GALNTL6: variants seen among roughly 807,000 people sequenced by gnomAD.
The protein encoded by GALNTL6 is polypeptide N-acetylgalactosaminyltransferase-like 6.
Under a neutral mutation model 73.7 loss-of-function variants are expected in GALNTL6, and 46 were observed. The observed-to-expected ratio is 0.62, with a 90% CI of 0.49 to 0.80. The LOEUF (loss-of-function observed/expected upper bound fraction) is 0.80. Ranked by LOEUF, GALNTL6 falls within the 30% of genes least tolerant of loss-of-function variation. The pLI is 0.00. For missense variants in GALNTL6, 604 were observed against 755.0 expected (o/e 0.80, Z 2.34); for synonymous variants, 259 against 263.7 (o/e 0.98, Z 0.17).
At chr4:171,916,516 G>A (rs1296404461) in intron 2 of GALNTL6, among the ~76,000 whole-genome samples, 4 of 152,034 alleles carry the variant, frequency 2.6e-5, no homozygotes, top group South Asian at 2.1e-4. Context: ...ATGTAGGTGC[G>A]TTCAGACATA....
intron 7 of GALNTL6, among the ~76,000 whole-genome samples, chr4:172,817,271 T>G (rs1368816055): frequency 1.3e-5 from 2 of 150,986 alleles, no homozygotes; most frequent in East Asian, 3.9e-4. Context: ...ACGAAAAAAA[T>G]ATATACATAT....
chr4:172,805,044 G>T (rs535879312), intron 5 of GALNTL6, among the ~76,000 whole-genome samples: 1 of 152,136 alleles, frequency 6.6e-6, no homozygotes, highest in African/African-American at 2.4e-5. Flanking sequence ...AAAATATCAC[G>T]AGGGAAATTA....
intron 2 of GALNTL6, among the ~76,000 whole-genome samples, chr4:171,912,492 G>A (rs1737504217): frequency 6.6e-6 from 1 of 152,140 alleles, no homozygotes; most frequent in African/African-American, 2.4e-5. Flanking sequence ...AATATGTGAT[G>A]ATAAAATCAG....
At chr4:173,022,903 G>C (rs1271881218) in intron 12 of GALNTL6, among the ~76,000 whole-genome samples, 1 of 152,034 alleles carries the variant, frequency 6.6e-6, no homozygotes, top group Non-Finnish European at 1.5e-5. Context: ...CAAATTCTTT[G>C]CTTTTGGGGA....
chr4:173,011,472 T>C (rs1032751701), intron 11 of GALNTL6, among the ~76,000 whole-genome samples: 1 of 152,178 alleles, frequency 6.6e-6, no homozygotes, highest in Non-Finnish European at 1.5e-5. Flanking sequence ...TTTCTTGTAG[T>C]AGTTGTATAG....
intron 5 of GALNTL6, among the ~76,000 whole-genome samples, chr4:172,561,988 G>A (rs1467765019): frequency 6.6e-6 from 1 of 152,152 alleles, no homozygotes; most frequent in Non-Finnish European, 1.5e-5. Flanking sequence ...TTCAGATCTG[G>A]ATTTTGCTAC....
chr4:172,861,137 C>T (rs1307677388), intron 7 of GALNTL6, among the ~76,000 whole-genome samples: 1 of 152,114 alleles, frequency 6.6e-6, no homozygotes, highest in East Asian at 1.9e-4. Flanking sequence ...GACATACAAA[C>T]TAATATTTAG....
chr4:172,603,595 A>C (rs1738146883), intron 5 of GALNTL6, among the ~76,000 whole-genome samples: 1 of 152,242 alleles, frequency 6.6e-6, no homozygotes, highest in South Asian at 2.1e-4. Context: ...AAAAAATCTT[A>C]ATGAAACCAT....
At chr4:172,479,859 A>G (rs1230678862) in intron 5 of GALNTL6, among the ~76,000 whole-genome samples, 2 of 152,238 alleles carry the variant, frequency 1.3e-5, no homozygotes, top group South Asian at 2.1e-4. Context: ...TCTTATAGCT[A>G]TCAAGCTCCA....
chr4:172,620,401 C>G (rs1256100323), intron 5 of GALNTL6, among the ~76,000 whole-genome samples: 8 of 152,094 alleles, frequency 5.3e-5, no homozygotes, highest in Admixed American at 5.2e-4. Flanking sequence ...ATGTATAGCA[C>G]TCATAGAAAA....
intron 5 of GALNTL6, among the ~76,000 whole-genome samples, chr4:172,368,182 T>C (rs1192321324): frequency 6.6e-6 from 1 of 152,074 alleles, no homozygotes; most frequent in Non-Finnish European, 1.5e-5. Flanking sequence ...AGTTCAAAAC[T>C]AGTCTAGACA....
chr4:172,662,731 C>T (rs1731443498), intron 5 of GALNTL6, among the ~76,000 whole-genome samples: 1 of 152,132 alleles, frequency 6.6e-6, no homozygotes, highest in Admixed American at 6.6e-5. Flanking sequence ...ATGAAATTAG[C>T]CAGACAAGAC....
chr4:172,110,609 A>G (rs1732824418), intron 2 of GALNTL6, among the ~76,000 whole-genome samples: 1 of 152,182 alleles, frequency 6.6e-6, no homozygotes, highest in South Asian at 2.1e-4. Context: ...AGTTATTTAT[A>G]AAACAGTGGC....
chr4:172,291,600 A>G (rs2111100845), intron 3 of GALNTL6, among the ~76,000 whole-genome samples: 1 of 152,220 alleles, frequency 6.6e-6, no homozygotes, highest in South Asian at 2.1e-4. Flanking sequence ...TTTTATGCCT[A>G]GAAATATGTT....
intron 9 of GALNTL6, among the ~76,000 whole-genome samples, chr4:172,940,463 A>G (rs1748859754): frequency 6.6e-6 from 1 of 152,054 alleles, no homozygotes; most frequent in Non-Finnish European, 1.5e-5. Flanking sequence ...CTGGGGTTCA[A>G]GTGATTCTCC....
Position 172,311,660 on chromosome 4 carries a change from T to G in GALNTL6, c.294T>G (p.His98Gln). The stretch of plus-strand genomic sequence containing the variant: ...CTTACCCCCTTACTGAAGAGGACCA[T>G]GATGACTCAGCTTACAGGGAAAATG... ...GKPYPLTEEDHDDSAYRENGF... is the reference protein window; with the variant it reads ...GKPYPLTEEDQDDSAYRENGF... The change falls in exon 4 of 13, where the codon CAT becomes CAG. Residue 98 changes from histidine to glutamine, a missense_variant. Physicochemically the swap from His to Gln is conservative, Grantham distance 24 (BLOSUM62 0). Transcript: ENST00000506823. 1 of 1,612,358 alleles carries G rather than the reference T, an allele frequency of 6.2e-7. No homozygotes were observed. The highest frequency in any genetic ancestry group is 8.5e-7 in the Non-Finnish European group (1 of 1,178,844).
chr4:172,208,377 A>G (rs1299632759), intron 2 of GALNTL6, among the ~76,000 whole-genome samples: 1 of 152,224 alleles, frequency 6.6e-6, no homozygotes, highest in Non-Finnish European at 1.5e-5. Context: ...ATGTATTACT[A>G]AAAATGTTGA....
At chr4:172,748,045 A>G (rs1737213654) in intron 5 of GALNTL6, among the ~76,000 whole-genome samples, 1 of 152,196 alleles carries the variant, frequency 6.6e-6, no homozygotes, top group Non-Finnish European at 1.5e-5. Flanking sequence ...AACCAATTTT[A>G]CTATAGATTA....
chr4:172,342,454 G>T (rs1324179311), intron 4 of GALNTL6, among the ~76,000 whole-genome samples: 1 of 152,126 alleles, frequency 6.6e-6, no homozygotes, highest in Non-Finnish European at 1.5e-5. Context: ...CCTCATCATT[G>T]TATCACTTTT....
Sources: gnomAD v4.1 joint callset for allele counts (sites outside exome capture counted in the v4.1 genomes callset) on GRCh38, gnomAD v4.1.1 for gene constraint, MANE v1.5 for transcripts, NCBI Gene and HGNC (gene_info 2026-07-23, HGNC 2026-07-21) for gene names.